SBNO1: variants seen among roughly 807,000 people sequenced by gnomAD.
SBNO1 encodes the protein strawberry notch homolog 1, also known as protein strawberry notch homolog 1.
In SBNO1, 23 loss-of-function variants were observed where a neutral mutation model predicts 173.6. The observed-to-expected ratio is 0.13, with a 90% CI of 0.10 to 0.19. The LOEUF (loss-of-function observed/expected upper bound fraction) is 0.19, where lower values mean the gene tolerates loss of function less well. SBNO1 is among the 10% of genes least tolerant of loss of function. The probability of loss-of-function intolerance (pLI) is 1.00; values close to 1 mark genes in which losing one functional copy is unlikely to be tolerated. For missense variants in SBNO1, 1,238 were observed against 1,671.2 expected, an observed-to-expected ratio of 0.74 and a Z score of 4.52; for synonymous variants, 632 against 571.5, an observed-to-expected ratio of 1.11 and a Z score of -1.51.
intron 30 of SBNO1, 99 bp from the exon 31 acceptor site, chr12:123,298,270 C>CTTT: frequency 6.0e-6 from 6 of 1,002,834 alleles, no homozygotes; most frequent in Non-Finnish European, 8.2e-6. Context: ...CTTTTCTTTT[C>CTTT]TTTTTTTTTT....
intron 1 of SBNO1, among the ~76,000 whole-genome samples, chr12:123,361,019 G>A (rs1198857550): frequency 6.6e-6 from 1 of 152,106 alleles, no homozygotes. Context: ...GCCGAGGCAG[G>A]CGGATCACGA....
intron 24 of SBNO1, among the ~76,000 whole-genome samples, chr12:123,313,318 A>T (rs916409941): frequency 8.6e-5 from 13 of 151,538 alleles, no homozygotes; most frequent in African/African-American, 3.1e-4. Context: ...AATTTTTAAA[A>T]AAGGCTATTT....
chr12:123,363,919 T>C, intron 1 of SBNO1: 1 of 985,370 alleles, frequency 1.0e-6, no homozygotes, highest in South Asian at 4.7e-5. Flanking sequence ...TCCTCAGCGG[T>C]TAAACCGACC....
intron 20 of SBNO1, among the ~76,000 whole-genome samples, chr12:123,318,090 T>G (rs1440273663): frequency 6.6e-6 from 1 of 152,150 alleles, no homozygotes; most frequent in Non-Finnish European, 1.5e-5. Context: ...GCCTCCTCAG[T>G]AGCTGGGACT....
chr12:123,321,712 C>A lies in SBNO1; in HGVS notation c.2146G>T (p.Ala716Ser), dbSNP rs1232220528. The A allele has an allele frequency of 6.2e-7, 1 of 1,614,040 alleles. No individual in the cohort carries two copies. Among genetic ancestry groups the A allele is most frequent in the Non-Finnish European group, 8.5e-7 (1 of 1,179,982 alleles). Reference sequence around the variant, plus strand: ...CCACCTACTTTTCGTGCTTTTTTGGCTTCTCGAGTTATTTCTTCACCTACC... The same window carrying A: ...CCACCTACTTTTCGTGCTTTTTTGGATTCTCGAGTTATTTCTTCACCTACC... ...KRKGEEITRE[A>S]KKARKVGGLT... The change falls in exon 17 of 32, where the codon GCC (alanine) becomes TCC (serine). Residue 716 changes from alanine to serine, a missense_variant. By Grantham distance (99) the Ala-to-Ser change is moderately conservative (BLOSUM62 1). Coordinates refer to ENST00000602398, the MANE Select transcript of SBNO1 (RefSeq NM_001167856.3).
intron 2 of SBNO1, 121 bp downstream of exon 2, chr12:123,350,189 G>A (rs776739598): frequency 3.5e-6 from 4 of 1,137,808 alleles, no homozygotes; most frequent in Non-Finnish European, 5.0e-6. Flanking sequence ...GGGAGGTTGA[G>A]GCTTCAGTAA....
intron 1 of SBNO1, among the ~76,000 whole-genome samples, chr12:123,363,016 G>T (rs1254733871): frequency 6.6e-6 from 1 of 152,066 alleles, no homozygotes; most frequent in East Asian, 1.9e-4. Context: ...GAGCCCAGGA[G>T]TTCAAGCTGC....
chr12:123,330,558 A>G lies in SBNO1; in HGVS notation c.1044-49T>C, dbSNP rs753993667. Reference sequence around the variant, plus strand: ...AATTAAATACAAATTATATCATTCTAGAATTCAGGAATAAAATTAATAAAG... The same window carrying G: ...AATTAAATACAAATTATATCATTCTGGAATTCAGGAATAAAATTAATAAAG... On this transcript the variant is annotated intron_variant, in intron 8 of 31. Coordinates refer to ENST00000602398, the MANE Select transcript of SBNO1 (RefSeq NM_001167856.3). 4.7e-6 allele frequency: 5 copies of G among 1,052,696 alleles called. No homozygotes were observed. The African/African-American group carries it at 8.0e-5, about 17-fold the overall frequency. 65.2% of individuals were successfully genotyped at this position (1,052,696 alleles called of 1,614,324 possible). A position where few individuals can be genotyped will look rare whatever the true frequency, so the allele number is the denominator to read the frequency against.
At chr12:123,310,388 T>C (rs994205025) in intron 25 of SBNO1, among the ~76,000 whole-genome samples, 5 of 147,668 alleles carry the variant, frequency 3.4e-5, no homozygotes, top group East Asian at 4.1e-4. Context: ...CGCCCGCCAC[T>C]ATGCCTGGAT....
At position 123,311,119 on chromosome 12, in the gene SBNO1, T is replaced by C; in HGVS notation, c.3231A>G (p.Gln1077=). The C allele has an allele frequency of 6.2e-7, 1 of 1,612,888 alleles. No homozygotes were observed. The highest frequency in any genetic ancestry group is 8.5e-7 in the Non-Finnish European group (1 of 1,178,928). The change falls in exon 25 of 32, where the codon CAA becomes CAG. Residue 1077 remains glutamine, a synonymous_variant. Transcript: ENST00000602398. ...YPGEFFKDVR[Q]GLIGVGLINV... ...TTATCAGGCCAACGCCTATCAGTCC[T>C]TGTCGAACATCTGTAAGAACAGGAT...
At chr12:123,357,804 C>T (rs2139098453) in intron 1 of SBNO1, among the ~76,000 whole-genome samples, 1 of 152,274 alleles carries the variant, frequency 6.6e-6, no homozygotes, top group East Asian at 1.9e-4. Flanking sequence ...CTTTTCAACA[C>T]CTACCCTTCA....
At chr12:123,317,440 G>T in intron 20 of SBNO1, 84 bp from the exon 21 acceptor site, 1 of 1,176,010 alleles carries the variant, frequency 8.5e-7, no homozygotes. Context: ...TCAGCAGACT[G>T]CCTATTCTCT....
At chr12:123,303,195 A>G (rs894608294) in intron 29 of SBNO1, among the ~76,000 whole-genome samples, 5 of 152,236 alleles carry the variant, frequency 3.3e-5, no homozygotes, top group African/African-American at 7.2e-5. Flanking sequence ...AATGTTAGGA[A>G]AAGTGGTCGC....
chr12:123,349,684 A>C (rs182078994), intron 2 of SBNO1, among the ~76,000 whole-genome samples: 1 of 152,338 alleles, frequency 6.6e-6, no homozygotes, highest in Admixed American at 6.5e-5. Context: ...TGGGAGGCTG[A>C]GGCAGGCAGA....
At chr12:123,311,341 G>T (rs1868472715) in intron 24 of SBNO1, among the ~76,000 whole-genome samples, 1 of 152,108 alleles carries the variant, frequency 6.6e-6, no homozygotes, top group South Asian at 2.1e-4. Context: ...GGGTTAAGGG[G>T]ACTGTATTAA....
intron 2 of SBNO1, among the ~76,000 whole-genome samples, chr12:123,348,394 T>G (rs1351931435): frequency 6.6e-6 from 1 of 151,404 alleles, no homozygotes; most frequent in African/African-American, 2.4e-5. Flanking sequence ...GAGGCCGAGG[T>G]GGGCGGATCA....
intron 8 of SBNO1, 104 bp downstream of exon 8, chr12:123,331,138 A>G: frequency 2.6e-6 from 3 of 1,167,314 alleles, no homozygotes; most frequent in Admixed American, 2.1e-5. Flanking sequence ...GATTTTTTGT[A>G]CTTTTAGTAG....
At chr12:123,322,450 G>A (rs1034238351) in intron 16 of SBNO1, among the ~76,000 whole-genome samples, 1 of 152,074 alleles carries the variant, frequency 6.6e-6, no homozygotes, top group African/African-American at 2.4e-5. Flanking sequence ...CGCCCCTGCC[G>A]CCAGTCCTGG....
intron 1 of SBNO1, chr12:123,364,485 G>A: frequency 1.0e-6 from 1 of 983,952 alleles, no homozygotes; most frequent in Non-Finnish European, 1.2e-6. Context: ...CTGACGAACA[G>A]AGGAAGCGAG....
Sources: gnomAD v4.1 joint callset for allele counts (sites outside exome capture counted in the v4.1 genomes callset) on GRCh38, gnomAD v4.1.1 for gene constraint, MANE v1.5 for transcripts, NCBI Gene and HGNC (gene_info 2026-07-23, HGNC 2026-07-21) for gene names.